Variants in TMEM255B observed in about 807,000 individuals in gnomAD.
TMEM255B encodes the protein transmembrane protein 255B.
A neutral mutation model predicts 34.5 loss-of-function variants in TMEM255B; 35 were observed. The ratio of observed to expected loss-of-function variants is 1.01; its 90% CI spans 0.77 to 1.34. TMEM255B has a LOEUF of 1.34. Among genes scored for constraint, TMEM255B ranks in the 40% most tolerant of loss-of-function variants. The pLI is 0.00. For synonymous variants in TMEM255B, 206 were observed against 201.2 expected (o/e 1.02, Z -0.20); for missense variants, 432 against 433.2 (o/e 1.00, Z 0.02).
In TMEM255B at chr13:113,806,102, A is replaced by C. The variant is rs1173942937; in HGVS notation, c.813+1074A>C. Among the ~76,000 whole-genome samples, 1 of 152,156 alleles carries C rather than the reference A, an allele frequency of 6.6e-6. No homozygotes were observed. The highest frequency in any genetic ancestry group is 1.9e-4 in the East Asian group (1 of 5,174). On this transcript the variant is annotated intron_variant, in intron 8 of 8. Coordinates refer to ENST00000375353, the MANE Select transcript of TMEM255B (RefSeq NM_182614.4). This position sits in a 1 kb window ranked among gnomAD's most constrained non-coding sequence, Gnocchi z 4.2. ...TCCCGACACATGACGTTGTCAGGAA[A>C]AGATCTTCCTTAGAGGGACATCCGG...
In TMEM255B at chr13:113,804,931, C is replaced by T; in HGVS notation, c.716C>T (p.Thr239Ile). 3 of 1,605,226 alleles carry T rather than the reference C, an allele frequency of 1.9e-6. No individual in the cohort carries two copies. The highest frequency in any genetic ancestry group is 2.5e-6 in the Non-Finnish European group (3 of 1,179,684). The change falls in exon 8 of 9, where the codon ACC becomes ATC. Residue 239 changes from threonine (T) to isoleucine (I), a missense_variant. Transcript: ENST00000375353. ...LAYGPAVPPQ[T>I]LYNPAQQILA... Reference sequence around the variant, plus strand: ...TATGGCCCAGCCGTCCCACCACAGACCCTCTACAACCCCGCCCAGCAGATC... The same window carrying T: ...TATGGCCCAGCCGTCCCACCACAGATCCTCTACAACCCCGCCCAGCAGATC...
chr13:113,775,666 G>A (rs2050564111), intron 3 of TMEM255B, among the ~76,000 whole-genome samples: 2 of 152,240 alleles, frequency 1.3e-5, no homozygotes, highest in African/African-American at 4.8e-5. Flanking sequence ...CACCCACAGC[G>A]GGGGAATAAC....
At chr13:113,787,194 G>A (rs1399286614) in intron 3 of TMEM255B, among the ~76,000 whole-genome samples, 5 of 152,354 alleles carry the variant, frequency 3.3e-5, no homozygotes, top group South Asian at 2.1e-4. Context: ...ACGTGCACGC[G>A]CAGGGGTGTT....
At chr13:113,799,535 G>A (rs917624762) in intron 5 of TMEM255B, 116 bp downstream of exon 5, 3 of 955,232 alleles carry the variant, frequency 3.1e-6, no homozygotes, top group Non-Finnish European at 4.9e-6. Context: ...AGTTCCTGGG[G>A]GTCACCCCTG....
chr13:113,799,425 C>T lies in TMEM255B; in HGVS notation c.423+6C>T, dbSNP rs372984958. On this transcript the variant is annotated splice_donor_region_variant and intron_variant, in intron 5 of 8. Transcript: ENST00000375353. ...ACGATGTCTACCAGACAGAGGTGAG[C>T]AGGAGCACTGAGATTCATGTGGGTT... is the stretch of plus-strand genomic sequence containing the variant. 10 of 1,613,190 alleles carry T rather than the reference C, an allele frequency of 6.2e-6. No homozygotes were observed. The highest frequency in any genetic ancestry group is 8.5e-6 in the Non-Finnish European group (10 of 1,179,190).
At chr13:113,784,175 A>C (rs1040674096) in intron 3 of TMEM255B, among the ~76,000 whole-genome samples, 2 of 152,010 alleles carry the variant, frequency 1.3e-5, no homozygotes, top group African/African-American at 4.8e-5. Flanking sequence ...GGGTGTAGGG[A>C]TGTGGGATTG....
intron 8 of TMEM255B, among the ~76,000 whole-genome samples, chr13:113,807,426 G>A (rs1444054023): frequency 1.5e-5 from 2 of 136,240 alleles, no homozygotes; most frequent in Non-Finnish European, 1.6e-5. Context: ...TGTGGGGGGT[G>A]GTCCTCCCCG....
intron 3 of TMEM255B, among the ~76,000 whole-genome samples, chr13:113,771,231 A>G (rs1050222764): frequency 5.9e-5 from 9 of 152,014 alleles, no homozygotes; most frequent in African/African-American, 2.2e-4. Flanking sequence ...CTGCGGAGGG[A>G]GTAATGTGTG....
chr13:113,810,805 G>A (rs537434513), intron 8 of TMEM255B, among the ~76,000 whole-genome samples: 14 of 152,360 alleles, frequency 9.2e-5, no homozygotes, highest in Non-Finnish European at 1.8e-4. Context: ...ACCCAGATGC[G>A]TGTGTGAGCC....
intron 7 of TMEM255B, chr13:113,803,039 C>A (rs9550251): frequency 2.0e-5 from 3 of 147,566 alleles, no homozygotes; most frequent in Non-Finnish European, 4.6e-5. Context: ...GCGGCCGTCC[C>A]AGGAGGAACT....
intron 1 of TMEM255B, among the ~76,000 whole-genome samples, chr13:113,764,537 CAG>C (rs2140800676): frequency 6.6e-6 from 1 of 152,316 alleles, no homozygotes; most frequent in South Asian, 2.1e-4. Context: ...CCAGGCCCCT[CAG>C]GGAAGGCTCT....
chr13:113,780,438 A>T (rs2050649009), intron 3 of TMEM255B, among the ~76,000 whole-genome samples: 1 of 152,266 alleles, frequency 6.6e-6, no homozygotes, highest in South Asian at 2.1e-4. Context: ...GAGAGGAACA[A>T]ATAAGCTCCA....
In TMEM255B at chr13:113,813,312, C is replaced by T. The variant is rs2051364139; in HGVS notation, c.*1409C>T. ...TGGCGCCTCCAGGCCTCACCGCTCT[C>T]AGGGCCTCACGTCCCTCCCTGCAAA... is the stretch of plus-strand genomic sequence containing the variant. On this transcript the variant is annotated 3_prime_UTR_variant, in exon 9 of 9. Coordinates refer to ENST00000375353, the MANE Select transcript of TMEM255B (RefSeq NM_182614.4). 1 of 152,394 alleles carries T rather than the reference C, an allele frequency of 6.6e-6. No individual in the cohort carries two copies. Among genetic ancestry groups the T allele is most frequent in the African/African-American group, 2.4e-5 (1 of 41,454 alleles). 9.4% of individuals were successfully genotyped at this position (152,394 alleles called of 1,614,324 possible). A position where few individuals can be genotyped will look rare whatever the true frequency, so the allele number is the denominator to read the frequency against.
chr13:113,759,630 T>G (rs1246574604), intron 1 of TMEM255B, among the ~76,000 whole-genome samples: 2 of 152,228 alleles, frequency 1.3e-5, no homozygotes, highest in Non-Finnish European at 2.9e-5. Context: ...TCCGTTCCTC[T>G]TGGCCTCTCT....
intron 2 of TMEM255B, among the ~76,000 whole-genome samples, chr13:113,767,561 C>G (rs552658318): frequency 6.6e-6 from 1 of 152,352 alleles, no homozygotes; most frequent in African/African-American, 2.4e-5. Flanking sequence ...ACATCAATGG[C>G]TAATGCCCAA....
At chr13:113,795,022 G>C (rs1276132973) in intron 3 of TMEM255B, 126 bp from the exon 4 acceptor site, 1 of 819,172 alleles carries the variant, frequency 1.2e-6, no homozygotes, top group Non-Finnish European at 2.0e-6. Flanking sequence ...TAGGACGAAA[G>C]GTAGAGGTGA....
At chr13:113,799,713 AT>A in intron 5 of TMEM255B, 1 of 696,694 alleles carries the variant, frequency 1.4e-6, no homozygotes, top group South Asian at 1.5e-5. Context: ...TTCTAATTTA[AT>A]TATTGCAATA....
At position 113,799,258 on chromosome 13, in the gene TMEM255B, C is replaced by T. The variant is rs2050997382; in HGVS notation, c.343-81C>T. The T allele has an allele frequency of 2.9e-6, 4 of 1,375,958 alleles. No individual in the cohort carries two copies. In the South Asian group the frequency reaches 3.7e-5, roughly 13 times the overall value. The allele number at this position is 1,375,958 out of a possible 1,614,324, so 85.2% of individuals were successfully genotyped here. On this transcript the variant is annotated intron_variant, in intron 4 of 8. Transcript: ENST00000375353. ...GGTCCTTGAGGCCCTGAGCCTGAGA[C>T]CCACAGGCCTGAAATTGCCTCTGGC...
At chr13:113,759,337 C>T in intron 1 of TMEM255B, 22 bp downstream of exon 1, 10 of 1,229,286 alleles carry the variant, frequency 8.1e-6, no homozygotes, top group Non-Finnish European at 1.0e-5. Context: ...GCTGGGGGCT[C>T]GTCTCGGCTC....
Sources: allele counts gnomAD v4.1 joint callset (sites outside exome capture counted in the v4.1 genomes callset), GRCh38; gene constraint gnomAD v4.1.1; non-coding constraint Gnocchi (gnomAD v3.1); transcripts MANE v1.5; gene names NCBI Gene and HGNC (gene_info 2026-07-23, HGNC 2026-07-21).